SNX29: variants seen among roughly 807,000 people sequenced by gnomAD.
SNX29 encodes sorting nexin 29.
A neutral mutation model predicts 102.1 loss-of-function variants in SNX29; 78 were observed. The observed-to-expected ratio is 0.76, with a 90% confidence interval of 0.64 to 0.92. The LOEUF (loss-of-function observed/expected upper bound fraction) is 0.92, where lower values mean the gene tolerates loss of function less well. Ranked by LOEUF, SNX29 falls within the 40% of genes least tolerant of loss-of-function variation. The probability of loss-of-function intolerance (pLI) is 0.00; values close to 1 mark genes in which losing one functional copy is unlikely to be tolerated. For missense variants in SNX29, 1,280 were observed against 1,061.7 expected, an observed-to-expected ratio of 1.21 and a Z score of -2.86; for synonymous variants, 580 against 414.5, an observed-to-expected ratio of 1.40 and a Z score of -4.85.
chr16:11,999,394 G>C (rs760104226), intron 2 of SNX29, 36 bp downstream of exon 2: 1 of 1,605,528 alleles, frequency 6.2e-7, no homozygotes, highest in African/African-American at 1.3e-5. Flanking sequence ...TTTTGGTCGA[G>C]TAATAGTGTC....
intron 14 of SNX29, among the ~76,000 whole-genome samples, chr16:12,242,953 C>G (rs2078156430): frequency 6.6e-6 from 1 of 152,144 alleles, no homozygotes; most frequent in Admixed American, 6.5e-5. Flanking sequence ...CAACCATTCC[C>G]CACCCCCAAA....
At position 12,380,776 on chromosome 16, in the gene SNX29, TCCATCCAC is replaced by T. The variant is rs1156240667; in HGVS notation, c.1900-17658_1900-17651del. Among the ~76,000 whole-genome samples the T allele has an allele frequency of 1.2e-3, 50 of 42,808 alleles. 1 individual carries two copies. The highest frequency in any genetic ancestry group is 3.2e-3 in the African/African-American group (47 of 14,792). 28.1% of individuals were successfully genotyped at this position (42,808 alleles called of 152,430 possible). A position where few individuals can be genotyped will look rare whatever the true frequency, so the allele number is the denominator to read the frequency against. ...CATCCATCCACCCACCCACCATCCA[TCCATCCAC>T]CCATCCACCCACACACCATCCATCC... On this transcript the variant is annotated intron_variant, in intron 16 of 20. Transcript: ENST00000566228.
intron 20 of SNX29, among the ~76,000 whole-genome samples, chr16:12,562,471 G>A (rs2078781826): frequency 6.6e-6 from 1 of 152,208 alleles, no homozygotes; most frequent in South Asian, 2.1e-4. Flanking sequence ...TCATAGGCTA[G>A]GAACTCGAGT....
chr16:12,323,633 C>T (rs749930279), intron 15 of SNX29, among the ~76,000 whole-genome samples: 1 of 152,088 alleles, frequency 6.6e-6, no homozygotes, highest in Non-Finnish European at 1.5e-5. Context: ...CAGCATTGTT[C>T]ACTGTCGTAT....
intron 20 of SNX29, among the ~76,000 whole-genome samples, chr16:12,548,767 T>A (rs938220733): frequency 1.3e-5 from 2 of 152,098 alleles, no homozygotes; most frequent in African/African-American, 4.8e-5. Context: ...TCATCTCTCA[T>A]CCCCCAGCCA....
At chr16:12,565,521 T>A (rs1352908846) in intron 20 of SNX29, among the ~76,000 whole-genome samples, 3 of 152,164 alleles carry the variant, frequency 2.0e-5, no homozygotes, top group Non-Finnish European at 4.4e-5. Flanking sequence ...ATGGCTCTGC[T>A]CCACATGGCC....
chr16:12,453,305 C>G (rs1358409318), intron 18 of SNX29, among the ~76,000 whole-genome samples: 1 of 152,220 alleles, frequency 6.6e-6, no homozygotes, highest in Admixed American at 6.5e-5. Context: ...CACCATCTTC[C>G]CCAGGCAACC....
intron 9 of SNX29, among the ~76,000 whole-genome samples, chr16:12,064,484 C>CTCTCTGGA (rs1269086196): frequency 2.0e-5 from 3 of 152,242 alleles, no homozygotes; most frequent in African/African-American, 7.2e-5. Context: ...GTCGAATGCA[C>CTCTCTGGA]TCTCTGGAGA....
At chr16:12,528,868 G>C (rs977175957) in intron 20 of SNX29, among the ~76,000 whole-genome samples, 15 of 152,242 alleles carry the variant, frequency 9.9e-5, no homozygotes, top group Non-Finnish European at 1.9e-4. Context: ...TGGGAACTGA[G>C]AAGGTGGGCA....
chr16:12,434,507 G>A (rs866237381), intron 18 of SNX29, among the ~76,000 whole-genome samples: 1 of 152,132 alleles, frequency 6.6e-6, no homozygotes, highest in Non-Finnish European at 1.5e-5. Context: ...AGAGTGATAT[G>A]CCTGGAAGTG....
Position 12,544,547 on chromosome 16 carries a change from G to A in SNX29, c.2318+19706G>A, listed in dbSNP as rs138684400. On this transcript the variant is annotated intron_variant, in intron 20 of 20. Coordinates refer to ENST00000566228, the MANE Select transcript of SNX29 (RefSeq NM_032167.5). ...ATTGTGTGGCCTAGGAACATTCTCTGGAATGTTACAGTGATGGATTCATTG... is the reference window on the plus strand; with the variant it reads ...ATTGTGTGGCCTAGGAACATTCTCTAGAATGTTACAGTGATGGATTCATTG... Among the ~76,000 whole-genome samples the A allele has an allele frequency of 3.3e-3, 507 of 152,276 alleles. 4 individuals carry two copies. The highest frequency in any genetic ancestry group is 0.011 in the African/African-American group (451 of 41,538).
intron 11 of SNX29, among the ~76,000 whole-genome samples, chr16:12,091,039 G>GAAAAAAAAAAA (rs769027308): frequency 9.0e-6 from 1 of 111,176 alleles, no homozygotes; most frequent in African/African-American, 3.7e-5. Context: ...AAAAAAAAAA[G>GAAAAAAAAAAA]AAAGAAAAAG....
At chr16:12,161,269 C>A (rs2055774009) in intron 13 of SNX29, among the ~76,000 whole-genome samples, 2 of 152,222 alleles carry the variant, frequency 1.3e-5, no homozygotes, top group Non-Finnish European at 1.5e-5. Context: ...TTCTTTCCAG[C>A]CTTTTCCCTT....
intron 15 of SNX29, among the ~76,000 whole-genome samples, chr16:12,340,122 C>A (rs1395874023): frequency 2.0e-5 from 3 of 152,194 alleles, no homozygotes; most frequent in African/African-American, 7.2e-5. Flanking sequence ...GGTTTAGTTT[C>A]TTAGCCAAAA....
intron 11 of SNX29, 101 bp downstream of exon 11, chr16:12,079,016 C>A (rs4352067): frequency 0.19 from 191,114 of 1,030,196 alleles, 19,024 homozygotes; most frequent in African/African-American, 0.35. Flanking sequence ...TGTGGGTTCA[C>A]GTCAGGTGTG....
At chr16:12,566,539 G>A (rs1197296254) in intron 20 of SNX29, among the ~76,000 whole-genome samples, 3 of 152,228 alleles carry the variant, frequency 2.0e-5, no homozygotes, top group Non-Finnish European at 4.4e-5. Context: ...GAGCATGACA[G>A]GAGGGGGTTG....
At chr16:12,294,252 C>T (rs9927344) in intron 15 of SNX29, among the ~76,000 whole-genome samples, 7,130 of 152,294 alleles carry the variant, frequency 0.047, 313 homozygotes, top group African/African-American at 0.11. Context: ...GAGTTGTATG[C>T]ATGGCTCCTG....
rs534745705 is a variant in SNX29 at position 12,338,252 on chromosome 16, C to G, written c.1783-17911C>G. On this transcript the variant is annotated intron_variant, in intron 15 of 20. Coordinates refer to ENST00000566228, the MANE Select transcript of SNX29 (RefSeq NM_032167.5). ...AAGGAAAATGTTGGAGTCCAGTAGA[C>G]TTTCTTAAGCAGTGTGGAGGCAACT... Among the ~76,000 whole-genome samples, 24 of 152,232 alleles carry G rather than the reference C, an allele frequency of 1.6e-4. 1 individual carries two copies. The highest frequency in any genetic ancestry group is 6.8e-3 in the Middle Eastern group (2 of 294).
At chr16:12,436,201 G>A (rs931743159) in intron 18 of SNX29, among the ~76,000 whole-genome samples, 3 of 151,986 alleles carry the variant, frequency 2.0e-5, no homozygotes, top group African/African-American at 4.8e-5. Flanking sequence ...TGCAGCCCCC[G>A]GAACAGTATT....
Sources: gnomAD v4.1 joint callset for allele counts (sites outside exome capture counted in the v4.1 genomes callset) on GRCh38, gnomAD v4.1.1 for gene constraint, MANE v1.5 for transcripts, NCBI Gene and HGNC (gene_info 2026-07-23, HGNC 2026-07-21) for gene names.